The following NPAS3 variants were observed in gnomAD, a reference collection of about 807,000 sequenced individuals.
NPAS3 encodes the protein neuronal PAS domain protein 3.
A neutral mutation model predicts 73.1 loss-of-function variants in NPAS3; 14 were observed. The observed-to-expected ratio is 0.19, with a 90% CI of 0.13 to 0.30. The LOEUF (loss-of-function observed/expected upper bound fraction) is 0.30, where lower values mean the gene tolerates loss of function less well. NPAS3 is among the 10% of genes least tolerant of loss of function. The pLI, the probability that NPAS3 is intolerant of heterozygous loss-of-function variation, is 1.00. For synonymous variants in NPAS3, 620 were observed against 541.5 expected (o/e 1.14, Z -2.01); for missense variants, 1,096 against 1,250.0 (o/e 0.88, Z 1.86).
At chr14:33,413,238 T>C (rs991647768) in intron 4 of NPAS3, among the ~76,000 whole-genome samples, 4 of 152,122 alleles carry the variant, frequency 2.6e-5, no homozygotes, top group African/African-American at 9.7e-5. Flanking sequence ...AGATATGTAT[T>C]TTTGTTCCTC....
chr14:33,584,221 TGTTC>T (rs2056780228), intron 5 of NPAS3, among the ~76,000 whole-genome samples: 1 of 152,208 alleles, frequency 6.6e-6, no homozygotes, highest in African/African-American at 2.4e-5. Context: ...ATAAGATGTT[TGTTC>T]GTTTTGATAT....
chr14:33,445,277 T>C (rs1373230522), intron 4 of NPAS3, among the ~76,000 whole-genome samples: 1 of 152,244 alleles, frequency 6.6e-6, no homozygotes, highest in East Asian at 1.9e-4. Flanking sequence ...TTTTGTTTTA[T>C]TGTCAACATT....
chr14:33,170,430 A>G (rs530912934), intron 2 of NPAS3, among the ~76,000 whole-genome samples: 1 of 152,156 alleles, frequency 6.6e-6, no homozygotes, highest in African/African-American at 2.4e-5. Flanking sequence ...GTGGTTGCTG[A>G]AGTTTGGGGT....
intron 1 of NPAS3, among the ~76,000 whole-genome samples, chr14:33,007,705 T>C (rs1451557509): frequency 1.3e-5 from 2 of 152,232 alleles, no homozygotes; most frequent in East Asian, 3.8e-4. Flanking sequence ...AGAGGAAGAA[T>C]GTTTCATGTT....
chr14:33,435,167 C>A (rs1006121027), intron 4 of NPAS3, among the ~76,000 whole-genome samples: 2 of 152,138 alleles, frequency 1.3e-5, no homozygotes, highest in African/African-American at 2.4e-5. Context: ...AGTGTGAAAT[C>A]CATCAGTCAT....
intron 3 of NPAS3, among the ~76,000 whole-genome samples, chr14:33,356,382 C>T (rs2045338754): frequency 6.6e-6 from 1 of 152,212 alleles, no homozygotes; most frequent in Non-Finnish European, 1.5e-5. Context: ...CCTTCATTAT[C>T]TCTTTTTCCT....
At chr14:33,669,467 G>A (rs1397370654) in intron 5 of NPAS3, among the ~76,000 whole-genome samples, 1 of 152,134 alleles carries the variant, frequency 6.6e-6, no homozygotes, top group African/African-American at 2.4e-5. Context: ...TTTAACTGAT[G>A]TCTCTTAAGG....
intron 5 of NPAS3, among the ~76,000 whole-genome samples, chr14:33,607,425 G>C (rs146777950): frequency 4.0e-5 from 6 of 151,500 alleles, no homozygotes; most frequent in African/African-American, 9.7e-5. Flanking sequence ...AAAAAAGAGT[G>C]ATTCCATATA....
At chr14:33,258,510 C>G (rs1256270529) in intron 3 of NPAS3, among the ~76,000 whole-genome samples, 1 of 152,172 alleles carries the variant, frequency 6.6e-6, no homozygotes, top group Non-Finnish European at 1.5e-5. Context: ...TTAGCTTTGT[C>G]CTTTCCAAAT....
rs916499020 is a variant in NPAS3, at chr14:33,031,395, G to C, written c.51-24510G>C. 2.6e-5 allele frequency among the ~76,000 whole-genome samples: 4 copies of C among 152,128 alleles called. No individual in the cohort carries two copies. The South Asian group carries it at 6.2e-4, about 24-fold the overall frequency. On this transcript the variant is annotated intron_variant, in intron 1 of 11. Transcript: ENST00000356141. ...ATGCCAATGTCATATGCCTAGTTAT[G>C]GCTACAGCTTAGATGTCCAGACTCC...
intron 5 of NPAS3, among the ~76,000 whole-genome samples, chr14:33,654,225 C>T: frequency 6.6e-6 from 1 of 151,466 alleles, no homozygotes; most frequent in East Asian, 1.9e-4. Flanking sequence ...AATTAATAAT[C>T]TAATCAATCA....
chr14:33,793,828 T>TG, intron 9 of NPAS3, 69 bp from the exon 10 acceptor site: 1 of 1,320,288 alleles, frequency 7.6e-7, no homozygotes, highest in Non-Finnish European at 1.0e-6. Flanking sequence ...TTTGCAGAGA[T>TG]AAAAAAAAAA....
intron 11 of NPAS3, among the ~76,000 whole-genome samples, chr14:33,798,540 G>T (rs1343667258): frequency 6.6e-6 from 1 of 152,128 alleles, no homozygotes; most frequent in Non-Finnish European, 1.5e-5. Context: ...AAATGTGGCA[G>T]CTAGGTTTTC....
chr14:33,357,101 A>AGCTAACATAAGTAAGACCTAGCTCC (rs2045372317), intron 3 of NPAS3, among the ~76,000 whole-genome samples: 1 of 152,242 alleles, frequency 6.6e-6, no homozygotes, highest in Non-Finnish European at 1.5e-5. Flanking sequence ...GACCTTGATC[A>AGCTAACATAAGTAAGACCTAGCTCC]GCTAACATAA....
chr14:33,209,986 A>G lies in NPAS3; in HGVS notation c.141-5196A>G, dbSNP rs185629400. Among the ~76,000 whole-genome samples the G allele has an allele frequency of 2.6e-3, 403 of 152,298 alleles. 2 individuals carry two copies. The highest frequency in any genetic ancestry group is 9.2e-3 in the African/African-American group (383 of 41,568). ...TTATTTAAAAGTTGATTAAAATATG[A>G]CTATGAAGAAATCACTGAAGAGGAA... On this transcript the variant is annotated intron_variant, in intron 2 of 11. Transcript: ENST00000356141.
intron 9 of NPAS3, among the ~76,000 whole-genome samples, chr14:33,784,751 T>TTTTTTTTTTA (rs2063110339): frequency 8.7e-6 from 1 of 114,836 alleles, no homozygotes; most frequent in African/African-American, 3.9e-5. Flanking sequence ...ATTTATTTTT[T>TTTTTTTTTTA]TTTTTTTTTT....
chr14:32,940,933 A>G (rs779155580), intron 1 of NPAS3, among the ~76,000 whole-genome samples: 4 of 152,242 alleles, frequency 2.6e-5, no homozygotes, highest in Non-Finnish European at 5.9e-5. Context: ...TAAATCATAC[A>G]TAATCCAGTT....
intron 5 of NPAS3, among the ~76,000 whole-genome samples, chr14:33,626,618 G>C (rs1426311690): frequency 2.0e-5 from 3 of 152,108 alleles, no homozygotes; most frequent in Non-Finnish European, 4.4e-5. Flanking sequence ...TTAAACTAAC[G>C]ATGCTACTCA....
intron 1 of NPAS3, among the ~76,000 whole-genome samples, chr14:33,031,153 A>G (rs1410451868): frequency 6.6e-6 from 1 of 152,214 alleles, no homozygotes; most frequent in African/African-American, 2.4e-5. Context: ...AATTACTCAC[A>G]GCATTTCAGC....
Sources: gnomAD v4.1 joint callset for allele counts (sites outside exome capture counted in the v4.1 genomes callset) on GRCh38, gnomAD v4.1.1 for gene constraint, MANE v1.5 for transcripts, NCBI Gene and HGNC (gene_info 2026-07-23, HGNC 2026-07-21) for gene names.